Variants in ARAP1 observed in about 807,000 individuals in gnomAD.
The protein encoded by ARAP1 is ArfGAP with RhoGAP domain, ankyrin repeat and PH domain 1, also known as arf-GAP with Rho-GAP domain, ANK repeat and PH domain-containing protein 1.
ARAP1 carries 76 observed loss-of-function variants against 172.2 expected under a neutral mutation model. The observed-to-expected ratio is 0.44, with a 90% confidence interval of 0.37 to 0.53. The LOEUF is 0.53. Among genes scored for constraint, ARAP1 ranks in the 20% least tolerant of loss-of-function variants. The pLI is 0.00. For missense variants in ARAP1, 1,686 were observed against 1,977.5 expected, an observed-to-expected ratio of 0.85 and a Z score of 2.80; for synonymous variants, 804 against 803.3, an observed-to-expected ratio of 1.00 and a Z score of -0.01.
At chr11:72,712,821 A>T (rs1857088649) in intron 5 of ARAP1, 5 of 619,182 alleles carry the variant, frequency 8.1e-6, no homozygotes, top group South Asian at 7.9e-5. Context: ...ACAGAGAAAA[A>T]GACTGCGGGC....
chr11:72,702,081 C>A (rs1371253598), intron 15 of ARAP1, among the ~76,000 whole-genome samples: 1 of 152,252 alleles, frequency 6.6e-6, no homozygotes, highest in African/African-American at 2.4e-5. Flanking sequence ...ATAGGCCAGG[C>A]ACACTGGCAT....
chr11:72,731,481 T>C (rs1224384056), intron 2 of ARAP1, among the ~76,000 whole-genome samples: 1 of 152,202 alleles, frequency 6.6e-6, no homozygotes, highest in Middle Eastern at 3.2e-3. Context: ...TGCTCCCGCT[T>C]TGCCTTCTGC....
intron 1 of ARAP1, among the ~76,000 whole-genome samples, chr11:72,743,379 C>T (rs927501781): frequency 6.6e-6 from 1 of 152,224 alleles, no homozygotes; most frequent in Admixed American, 6.5e-5. Context: ...CCCCCAACCC[C>T]CACCTCAAAT....
At chr11:72,697,830 G>C (rs1856283816) in intron 19 of ARAP1, 81 bp downstream of exon 19, 1 of 1,489,968 alleles carries the variant, frequency 6.7e-7, no homozygotes, top group African/African-American at 1.4e-5. Flanking sequence ...GCAGAGTTCA[G>C]ATTTCCAGGC....
chr11:72,691,114 C>T (rs975544487), intron 30 of ARAP1, among the ~76,000 whole-genome samples: 1 of 152,226 alleles, frequency 6.6e-6, no homozygotes, highest in African/African-American at 2.4e-5. Flanking sequence ...CTTGCGTTTC[C>T]ACACTAAGAA....
chr11:72,727,257 C>T, intron 2 of ARAP1, 85 bp from the exon 3 acceptor site: 1 of 1,221,116 alleles, frequency 8.2e-7, no homozygotes. Context: ...CTCTCTCAAG[C>T]CATAGGTTCA....
intron 34 of ARAP1, 131 bp from the exon 35 acceptor site, chr11:72,685,812 C>T: frequency 7.1e-7 from 1 of 1,408,374 alleles, no homozygotes; most frequent in Admixed American, 1.8e-5. Flanking sequence ...GCCAGGCTCC[C>T]AGCTCCCAGG....
rs770989776 is a variant in ARAP1, at chr11:72,699,459, C to T, written c.2396G>A (p.Ser799Asn). 10 of 1,614,160 alleles carry T rather than the reference C, an allele frequency of 6.2e-6. No homozygotes were observed. Among genetic ancestry groups the T allele is most frequent in the Non-Finnish European group, 5.9e-6 (7 of 1,180,026 alleles). The stretch of plus-strand genomic sequence containing the variant: ...GGGCACTGCCAGGCACACAATCTCG[C>T]TGGCCCGAATCTCTCCATTGGGGGT... The part of the protein sequence containing the change: ...AVTPNGEIRA[S>N]EIVCLAVPPP... Residue 799 changes from serine (S) to asparagine (N), a missense_variant, in exon 17 of 35, where the codon AGC becomes AAC. By Grantham distance (46) the Ser-to-Asn change is conservative. Around this residue, in one of 5 missense-constraint regions of ARAP1, gnomAD observed 688 missense variants for 856.9 expected, o/e 0.80. Transcript: ENST00000393609. The surrounding 1 kb of genome is among the most constrained non-coding windows in gnomAD (Gnocchi z 4.2).
chr11:72,698,865 G>C (rs560287718), intron 18 of ARAP1, 140 bp downstream of exon 18: 1 of 877,850 alleles, frequency 1.1e-6, no homozygotes, highest in South Asian at 1.5e-5. Flanking sequence ...CTCTTGGTGG[G>C]ACAGGCCCGC....
intron 7 of ARAP1, 39 bp from the exon 8 acceptor site, chr11:72,711,538 T>C (rs1478133439): frequency 1.9e-6 from 3 of 1,570,790 alleles, no homozygotes; most frequent in Admixed American, 3.4e-5. Context: ...TGACCGGGGG[T>C]AGGAGGACAG....
intron 1 of ARAP1, among the ~76,000 whole-genome samples, chr11:72,733,045 AG>A (rs1857910580): frequency 6.6e-6 from 1 of 152,130 alleles, no homozygotes; most frequent in African/African-American, 2.4e-5. Flanking sequence ...GAGAAGGAAG[AG>A]GGAAGAGGAA....
At position 72,701,728 on chromosome 11, in the gene ARAP1, C is replaced by T. The variant is rs1201495916; in HGVS notation, c.2223G>A (p.Leu741=). ...KPLEKHYSVV[L]PTVSHSGFLY... is the part of the protein sequence containing the mutation. Reference sequence around the variant, plus strand: ...GGAAGCCACTGTGGCTCACGGTCGGCAGGACAACTGAGTAGTGCTTTTCCA... The same window carrying T: ...GGAAGCCACTGTGGCTCACGGTCGGTAGGACAACTGAGTAGTGCTTTTCCA... Residue 741 remains leucine, a synonymous_variant, in exon 16 of 35, where the codon CTG becomes CTA. Transcript: ENST00000393609. The T allele has an allele frequency of 6.2e-7, 1 of 1,614,002 alleles. No individual in the cohort carries two copies. Among genetic ancestry groups the T allele is most frequent in the Non-Finnish European group, 8.5e-7 (1 of 1,179,894 alleles).
At chr11:72,687,877 T>C in intron 31 of ARAP1, 139 bp from the exon 32 acceptor site, 1 of 1,011,344 alleles carries the variant, frequency 9.9e-7, no homozygotes, top group South Asian at 1.3e-5. Flanking sequence ...TGGCACATCC[T>C]GGCCTCTTCC....
intron 1 of ARAP1, among the ~76,000 whole-genome samples, chr11:72,739,204 C>T (rs1274522982): frequency 1.3e-5 from 2 of 152,166 alleles, no homozygotes; most frequent in South Asian, 2.1e-4. Flanking sequence ...GCCTATTTTC[C>T]ATCTCTCGGG....
At chr11:72,740,927 C>G (rs1221706223) in intron 1 of ARAP1, among the ~76,000 whole-genome samples, 1 of 152,162 alleles carries the variant, frequency 6.6e-6, no homozygotes, top group Non-Finnish European at 1.5e-5. Context: ...AAGCCCCAAC[C>G]CAAAAGAGGG....
intron 3 of ARAP1, among the ~76,000 whole-genome samples, chr11:72,718,545 C>G (rs1340369118): frequency 7.9e-5 from 12 of 152,036 alleles, no homozygotes; most frequent in Non-Finnish European, 1.3e-4. Flanking sequence ...GCCTCCTCCT[C>G]TAGGCAACCT....
chr11:72,698,916 C>G, intron 18 of ARAP1, 89 bp downstream of exon 18: 1 of 1,345,982 alleles, frequency 7.4e-7, no homozygotes, highest in Non-Finnish European at 1.1e-6. Context: ...GCTCTCTAGA[C>G]GGGGGAGCTG....
At chr11:72,691,382 T>G (rs1257045087) in intron 30 of ARAP1, among the ~76,000 whole-genome samples, 1 of 152,218 alleles carries the variant, frequency 6.6e-6, no homozygotes, top group Non-Finnish European at 1.5e-5. Flanking sequence ...CTCAGCCATC[T>G]TCCCTCCCTT....
rs1282441993 is a variant in ARAP1 at position 72,704,122 on chromosome 11, C to T, written c.1992+30G>A. 7 of 1,613,582 alleles carry T rather than the reference C, an allele frequency of 4.3e-6. No individual in the cohort carries two copies. In the Admixed American group the frequency reaches 5.0e-5, roughly 12 times the overall value. ...GGCAGCAGAAAGACGGGGGTGGTCC[C>T]AAGGGGCCCCAGAGCTGCAGTGCCC... On this transcript the variant is annotated intron_variant, in intron 14 of 34. Coordinates refer to ENST00000393609, the MANE Select transcript of ARAP1 (RefSeq NM_001040118.3).
Sources: gnomAD v4.1 joint callset for allele counts (sites outside exome capture counted in the v4.1 genomes callset) on GRCh38, gnomAD v4.1.1 for gene constraint, gnomAD v4.1.1 regional missense constraint, Gnocchi (gnomAD v3.1) non-coding constraint, MANE v1.5 for transcripts, NCBI Gene and HGNC (gene_info 2026-07-23, HGNC 2026-07-21) for gene names.